Variants in ALDH1A2 observed in about 807,000 individuals in gnomAD.
The protein encoded by ALDH1A2 is aldehyde dehydrogenase 1 family member A2, also known as retinal dehydrogenase 2.
Under a neutral mutation model 60.3 loss-of-function variants are expected in ALDH1A2, and 27 were observed. That is an observed-to-expected ratio of 0.45 (90% confidence interval 0.33 to 0.62). ALDH1A2 has a LOEUF of 0.62. ALDH1A2 is among the 20% of genes least tolerant of loss of function. ALDH1A2 has a pLI of 0.02. For missense variants in ALDH1A2, 581 were observed against 643.8 expected (o/e 0.90, Z 1.06); for synonymous variants, 289 against 232.4 (o/e 1.24, Z -2.21).
chr15:57,978,374 T>C (rs1237886637), intron 7 of ALDH1A2, among the ~76,000 whole-genome samples: 1 of 152,162 alleles, frequency 6.6e-6, no homozygotes, highest in Non-Finnish European at 1.5e-5. Flanking sequence ...CAATACCTAG[T>C]TTATTGGATT....
At chr15:58,026,715 C>T (rs945127552) in intron 1 of ALDH1A2, among the ~76,000 whole-genome samples, 3 of 152,204 alleles carry the variant, frequency 2.0e-5, no homozygotes, top group Admixed American at 6.5e-5. Flanking sequence ...CAACGTATTC[C>T]CTCCCATGCC....
intron 1 of ALDH1A2, among the ~76,000 whole-genome samples, chr15:58,031,248 A>G (rs145916926): frequency 0.017 from 2,582 of 152,304 alleles, 79 homozygotes; most frequent in African/African-American, 0.059. Flanking sequence ...AAACCTGACA[A>G]AAACAAGAAA....
chr15:57,992,562 A>T (rs1286376802), intron 7 of ALDH1A2, 143 bp downstream of exon 7: 1 of 782,588 alleles, frequency 1.3e-6, no homozygotes, highest in Non-Finnish European at 2.2e-6. Context: ...CCAGTGTTCT[A>T]TGACACCAAT....
chr15:57,975,706 G>C (rs752738333), intron 7 of ALDH1A2, among the ~76,000 whole-genome samples: 1 of 151,970 alleles, frequency 6.6e-6, no homozygotes, highest in East Asian at 1.9e-4. Flanking sequence ...CAAAATAACT[G>C]TGCTGAGTAA....
intron 7 of ALDH1A2, among the ~76,000 whole-genome samples, chr15:57,990,875 C>CA (rs34227301): frequency 0.037 from 4,160 of 111,818 alleles, 306 homozygotes; most frequent in African/African-American, 0.13. Flanking sequence ...AACTCCATCT[C>CA]AAAAAAAAAA....
intron 4 of ALDH1A2, among the ~76,000 whole-genome samples, chr15:57,999,500 C>A (rs1247209386): frequency 3.3e-5 from 5 of 151,608 alleles, no homozygotes; most frequent in Non-Finnish European, 7.4e-5. Flanking sequence ...ACCATCTCAC[C>A]CCACTCAGAA....
intron 1 of ALDH1A2, among the ~76,000 whole-genome samples, chr15:58,019,107 T>C (rs1422459669): frequency 6.6e-6 from 1 of 152,188 alleles, no homozygotes; most frequent in Non-Finnish European, 1.5e-5. Flanking sequence ...TTTGCACTAT[T>C]TTTGAACTTT....
rs761329415 is a variant in ALDH1A2 at position 57,955,191 on chromosome 15, G to T, written c.*6C>A. The T allele has an allele frequency of 8.1e-6, 13 of 1,613,904 alleles. No individual in the cohort carries two copies. The South Asian group carries it at 1.3e-4, about 16-fold the overall frequency. On this transcript the variant is annotated 3_prime_UTR_variant, in exon 13 of 13. Coordinates refer to ENST00000249750, the MANE Select transcript of ALDH1A2 (RefSeq NM_003888.4). ...AGGCTGGGCTTCATCCTCCTTCTTG[G>T]CCTTCTTAGGAGTTCTTCTGGGGGA...
At chr15:58,058,901 C>T (rs1306336842) in intron 1 of ALDH1A2, among the ~76,000 whole-genome samples, 1 of 152,134 alleles carries the variant, frequency 6.6e-6, no homozygotes, top group Non-Finnish European at 1.5e-5. Context: ...AATTAATCCC[C>T]ACGTTTAGCC....
chr15:58,045,176 A>T (rs1896606922), intron 1 of ALDH1A2, among the ~76,000 whole-genome samples: 1 of 152,116 alleles, frequency 6.6e-6, no homozygotes, highest in South Asian at 2.1e-4. Context: ...GAGAAATGCA[A>T]ATCAAAGCCA....
At chr15:57,991,646 G>A (rs1371969708) in intron 7 of ALDH1A2, 2 of 152,132 alleles carry the variant, frequency 1.3e-5, no homozygotes, top group East Asian at 1.9e-4. Context: ...GAAAAAGAAT[G>A]CAAAATATTG....
intron 12 of ALDH1A2, among the ~76,000 whole-genome samples, chr15:57,957,871 A>C (rs1473863088): frequency 6.6e-6 from 1 of 150,756 alleles, no homozygotes; most frequent in African/African-American, 2.4e-5. Context: ...TAAAGTCTCC[A>C]GACCATCAGC....
At chr15:58,048,784 G>A (rs1346296804) in intron 1 of ALDH1A2, among the ~76,000 whole-genome samples, 1 of 151,980 alleles carries the variant, frequency 6.6e-6, no homozygotes, top group Non-Finnish European at 1.5e-5. Context: ...TGAGTCTCAT[G>A]GAGGTCTTCT....
intron 7 of ALDH1A2, among the ~76,000 whole-genome samples, chr15:57,975,326 AC>A (rs1894211641): frequency 6.6e-6 from 1 of 152,250 alleles, no homozygotes; most frequent in African/African-American, 2.4e-5. Context: ...GGATAAACAA[AC>A]ATACAACAAA....
At chr15:58,025,083 G>A (rs1352187580) in intron 1 of ALDH1A2, among the ~76,000 whole-genome samples, 1 of 151,964 alleles carries the variant, frequency 6.6e-6, no homozygotes, top group East Asian at 1.9e-4. Context: ...AAAAAAAGTA[G>A]AAAGATTATA....
At chr15:57,991,219 G>A (rs1894885738) in intron 7 of ALDH1A2, among the ~76,000 whole-genome samples, 1 of 152,040 alleles carries the variant, frequency 6.6e-6, no homozygotes, top group Non-Finnish European at 1.5e-5. Flanking sequence ...TGCATCTTTA[G>A]TTTTTCTTAG....
At chr15:58,058,468 C>CAA (rs1188637852) in intron 1 of ALDH1A2, among the ~76,000 whole-genome samples, 3 of 23,580 alleles carry the variant, frequency 1.3e-4, no homozygotes, top group African/African-American at 2.5e-4. Context: ...AAATGATATT[C>CAA]AAAAAAAAAA....
intron 7 of ALDH1A2, chr15:57,990,750 C>T (rs1894867748): frequency 6.6e-6 from 1 of 151,852 alleles, no homozygotes; most frequent in South Asian, 2.1e-4. Context: ...GTGGTAGGTG[C>T]CTATAATCCC....
intron 1 of ALDH1A2, among the ~76,000 whole-genome samples, chr15:58,056,736 T>A (rs1896904513): frequency 6.6e-6 from 1 of 151,724 alleles, no homozygotes; most frequent in Non-Finnish European, 1.5e-5. Context: ...AATGAGCAAA[T>A]GATAAATTAG....
Sources: gnomAD v4.1 joint callset for allele counts (sites outside exome capture counted in the v4.1 genomes callset) on GRCh38, gnomAD v4.1.1 for gene constraint, MANE v1.5 for transcripts, NCBI Gene and HGNC (gene_info 2026-07-23, HGNC 2026-07-21) for gene names.